The following NTM variants were observed in gnomAD, a reference collection of about 807,000 sequenced individuals.
NTM encodes the protein IgLON family member 2.
A neutral mutation model predicts 42.1 loss-of-function variants in NTM; 13 were observed. The ratio of observed to expected loss-of-function variants is 0.31; its 90% CI spans 0.20 to 0.49. The LOEUF (loss-of-function observed/expected upper bound fraction) is 0.49. Among genes scored for constraint, NTM ranks in the 20% least tolerant of loss-of-function variants. The pLI is 0.99. For missense variants in NTM, 373 were observed against 452.8 expected (o/e 0.82, Z 1.60); for synonymous variants, 187 against 179.2 (o/e 1.04, Z -0.35).
intron 1 of NTM, among the ~76,000 whole-genome samples, chr11:131,487,173 A>G (rs1424618352): frequency 3.3e-5 from 5 of 152,274 alleles, no homozygotes; most frequent in Admixed American, 2.6e-4. Flanking sequence ...GCCTGCCAGA[A>G]AGGTGGTCAG....
At chr11:132,009,252 G>C (rs2071534365) in intron 2 of NTM, among the ~76,000 whole-genome samples, 1 of 152,158 alleles carries the variant, frequency 6.6e-6, no homozygotes, top group Admixed American at 6.5e-5. Context: ...GTTAATTCCT[G>C]CCACCCAGGG....
Position 131,440,816 on chromosome 11 carries a change from T to TAAAA in NTM, c.82+69973_82+69976dup, listed in dbSNP as rs55915027. ...GTGCCACCCCTCACCACAGCCTCCA[T>TAAAA]AAAAAAAAAAAAAAAAAAAAAAAAA... is the stretch of plus-strand genomic sequence containing the variant. On this transcript the variant is annotated intron_variant, in intron 1 of 8. Transcript: ENST00000683400. Among the ~76,000 whole-genome samples the TAAAA allele has an allele frequency of 4.9e-4, 21 of 42,922 alleles. 3 individuals are homozygous for TAAAA. Among genetic ancestry groups the TAAAA allele is most frequent in the African/African-American group, 1.0e-3 (10 of 9,712 alleles). 28.2% of individuals were successfully genotyped at this position (42,922 alleles called of 152,430 possible).
intron 2 of NTM, among the ~76,000 whole-genome samples, chr11:131,955,834 C>T (rs920424476): frequency 5.3e-5 from 8 of 152,174 alleles, no homozygotes; most frequent in Non-Finnish European, 1.2e-4. Context: ...AATGTCCGCG[C>T]TTTGACTTTT....
In NTM at chr11:131,915,978, G is replaced by C. The variant is rs560758174; in HGVS notation, c.167+4330G>C. On this transcript the variant is annotated intron_variant, in intron 2 of 8. Coordinates refer to ENST00000683400, the MANE Select transcript of NTM (RefSeq NM_001352005.2). ...ATATCAGGCACTGAGCTGGGTGTTT[G>C]GGTGTGGAAAGGCGTACGGCCTGGA... Among the ~76,000 whole-genome samples, 12 of 152,348 alleles carry C rather than the reference G, an allele frequency of 7.9e-5. No homozygotes were observed. In the East Asian group the frequency reaches 2.1e-3, roughly 27 times the overall value.
intron 7 of NTM, among the ~76,000 whole-genome samples, chr11:132,322,295 A>G (rs1306260000): frequency 6.6e-6 from 1 of 151,994 alleles, no homozygotes; most frequent in Admixed American, 6.6e-5. Context: ...TCTCATGTGC[A>G]GAGACACACA....
intron 1 of NTM, among the ~76,000 whole-genome samples, chr11:131,385,057 C>T (rs1328066895): frequency 6.6e-6 from 1 of 152,196 alleles, no homozygotes; most frequent in African/African-American, 2.4e-5. Context: ...GCATTGCCCC[C>T]TGCAGATGCT....
chr11:132,252,381 C>G (rs1407204080), intron 4 of NTM, among the ~76,000 whole-genome samples: 1 of 152,136 alleles, frequency 6.6e-6, no homozygotes, highest in Non-Finnish European at 1.5e-5. Context: ...GAAGCCAGGG[C>G]TGGCTGCAGG....
At chr11:131,896,345 A>G (rs1487365899) in intron 1 of NTM, among the ~76,000 whole-genome samples, 1 of 152,234 alleles carries the variant, frequency 6.6e-6, no homozygotes, top group Non-Finnish European at 1.5e-5. Context: ...TGATAATAAT[A>G]TAAATGTAAA....
At chr11:132,064,792 T>C (rs2081195404) in intron 2 of NTM, among the ~76,000 whole-genome samples, 1 of 152,230 alleles carries the variant, frequency 6.6e-6, no homozygotes. Flanking sequence ...GGAGGCAGTG[T>C]AAGTGACCAT....
intron 2 of NTM, among the ~76,000 whole-genome samples, chr11:131,995,021 T>G (rs1267874421): frequency 6.6e-6 from 1 of 152,174 alleles, no homozygotes; most frequent in Non-Finnish European, 1.5e-5. Flanking sequence ...CAGACTGTTG[T>G]TCCCTCTTAT....
At chr11:132,089,695 C>G (rs556959215) in intron 2 of NTM, among the ~76,000 whole-genome samples, 2 of 152,288 alleles carry the variant, frequency 1.3e-5, no homozygotes, top group East Asian at 3.9e-4. Context: ...GCATTGTTCT[C>G]ATAAACTTTT....
In NTM at chr11:132,269,182, C is replaced by T. The variant is rs547804107; in HGVS notation, c.527-38507C>T. ...GGGAAGCCGAGGACATACAATAGAACAAGAAAATAAAGTATGGAAGTTGTT... is the reference window on the plus strand; with the variant it reads ...GGGAAGCCGAGGACATACAATAGAATAAGAAAATAAAGTATGGAAGTTGTT... On this transcript the variant is annotated intron_variant, in intron 4 of 8. Transcript: ENST00000683400. Among the ~76,000 whole-genome samples the T allele has an allele frequency of 3.9e-5, 6 of 152,204 alleles. No individual in the cohort carries two copies. In the South Asian group the frequency reaches 1.0e-3, roughly 26 times the overall value.
chr11:132,262,447 A>T (rs962088510), intron 4 of NTM, among the ~76,000 whole-genome samples: 1 of 152,200 alleles, frequency 6.6e-6, no homozygotes, highest in African/African-American at 2.4e-5. Flanking sequence ...ACAGTTTTGC[A>T]GGTTGGAAGT....
chr11:131,645,169 T>C (rs1218761150), intron 1 of NTM, among the ~76,000 whole-genome samples: 1 of 152,160 alleles, frequency 6.6e-6, no homozygotes, highest in African/African-American at 2.4e-5. Context: ...ATTTCATAGC[T>C]GGAAAATTGA....
intron 4 of NTM, among the ~76,000 whole-genome samples, chr11:132,241,682 C>CTAAAAATACTAAAAATA (rs2090225966): frequency 6.6e-6 from 1 of 152,190 alleles, no homozygotes; most frequent in Non-Finnish European, 1.5e-5. Context: ...ACTCCTAATA[C>CTAAAAATACTAAAAATA]TAAAAATATC....
chr11:132,069,462 C>T (rs1264330396), intron 2 of NTM, among the ~76,000 whole-genome samples: 1 of 122,824 alleles, frequency 8.1e-6, no homozygotes, highest in Non-Finnish European at 1.7e-5. Flanking sequence ...ACACGTCAAA[C>T]TGACCGTCAC....
chr11:131,727,566 GA>G (rs890575575), intron 1 of NTM, among the ~76,000 whole-genome samples: 8 of 152,118 alleles, frequency 5.3e-5, no homozygotes, highest in Non-Finnish European at 1.0e-4. Context: ...GACTAAGTAA[GA>G]AAAAACCCAT....
chr11:131,459,726 T>TG (rs1390652439), intron 1 of NTM, among the ~76,000 whole-genome samples: 5 of 152,182 alleles, frequency 3.3e-5, no homozygotes, highest in African/African-American at 1.2e-4. Context: ...GTCCTGATAG[T>TG]GTTGAGTAGT....
chr11:131,446,226 C>T (rs565107484), intron 1 of NTM, among the ~76,000 whole-genome samples: 1 of 152,142 alleles, frequency 6.6e-6, no homozygotes, highest in Non-Finnish European at 1.5e-5. Context: ...ATGTTCTGTG[C>T]TGAAATACAA....
Sources: allele counts gnomAD v4.1 joint callset (sites outside exome capture counted in the v4.1 genomes callset), GRCh38; gene constraint gnomAD v4.1.1; transcripts MANE v1.5; gene names NCBI Gene and HGNC (gene_info 2026-07-23, HGNC 2026-07-21).